The following SNCAIP variants were observed in gnomAD, a reference collection of about 807,000 sequenced individuals.
SNCAIP encodes synphilin-1.
SNCAIP carries 43 observed loss-of-function variants against 86.7 expected under a neutral mutation model. The ratio of observed to expected loss-of-function variants is 0.50; its 90% CI spans 0.39 to 0.64. SNCAIP has a LOEUF of 0.64. Ranked by LOEUF, SNCAIP falls within the 30% of genes least tolerant of loss-of-function variation. SNCAIP has a pLI of 0.00. For missense variants in SNCAIP, 981 were observed against 1,103.1 expected, an observed-to-expected ratio of 0.89 and a Z score of 1.57; for synonymous variants, 417 against 427.2, an observed-to-expected ratio of 0.98 and a Z score of 0.29.
At chr5:122,343,691 C>G (rs1758039818) in intron 1 of SNCAIP, among the ~76,000 whole-genome samples, 2 of 152,156 alleles carry the variant, frequency 1.3e-5, no homozygotes, top group South Asian at 4.1e-4. Context: ...CCCTTTGGAT[C>G]GGGTTGTTTG....
Position 122,381,158 on chromosome 5 carries a change from A to T in SNCAIP, c.-46-9931A>T, listed in dbSNP as rs1398943832. Among the ~76,000 whole-genome samples the T allele has an allele frequency of 1.1e-4, 15 of 137,558 alleles. No homozygotes were observed. The South Asian group carries it at 3.7e-3, about 34-fold the overall frequency. 90.2% of individuals were successfully genotyped at this position (137,558 alleles called of 152,430 possible). ...CAGTGGGGTGTTAAAGTCTCCCATTATTAATGTGTGGGAGTCTAAGTCTCT... is the reference window on the plus strand; with the variant it reads ...CAGTGGGGTGTTAAAGTCTCCCATTTTTAATGTGTGGGAGTCTAAGTCTCT... On this transcript the variant is annotated intron_variant, in intron 1 of 10. Transcript: ENST00000261368.
At chr5:122,322,643 T>G (rs1753193541) in intron 1 of SNCAIP, among the ~76,000 whole-genome samples, 1 of 152,220 alleles carries the variant, frequency 6.6e-6, no homozygotes, top group Non-Finnish European at 1.5e-5. Flanking sequence ...TTTAGGAGGA[T>G]GAATGAAGTC....
At chr5:122,344,321 C>T (rs1195232694) in intron 1 of SNCAIP, among the ~76,000 whole-genome samples, 1 of 152,110 alleles carries the variant, frequency 6.6e-6, no homozygotes, top group African/African-American at 2.4e-5. Flanking sequence ...AGATCACAAA[C>T]ATAGCTGAAA....
At chr5:122,319,316 T>G (rs974241465) in intron 1 of SNCAIP, among the ~76,000 whole-genome samples, 1 of 152,170 alleles carries the variant, frequency 6.6e-6, no homozygotes, top group Non-Finnish European at 1.5e-5. Context: ...TTCTTACTTA[T>G]AAATTCCAGT....
chr5:122,423,781 G>A (rs756058090), intron 4 of SNCAIP, 42 bp downstream of exon 4: 2 of 1,543,130 alleles, frequency 1.3e-6, no homozygotes, highest in Non-Finnish European at 1.8e-6. Flanking sequence ...ATAGACTGGA[G>A]ACTCCTTTTT....
Position 122,440,762 on chromosome 5 carries a change from G to A in SNCAIP, c.1422+8G>A. On this transcript the variant is annotated splice_region_variant and intron_variant, in intron 7 of 10. Coordinates refer to ENST00000261368, the MANE Select transcript of SNCAIP (RefSeq NM_005460.4). Reference sequence around the variant, plus strand: ...TACCTTGGATGCATACAGGTACACAGGCCCTGCTGTTTTGCAATGAGAAAT... The same window carrying A: ...TACCTTGGATGCATACAGGTACACAAGCCCTGCTGTTTTGCAATGAGAAAT... The A allele has an allele frequency of 6.2e-7, 1 of 1,613,624 alleles. No individual in the cohort carries two copies.
chr5:122,371,846 G>T (rs10065900), intron 1 of SNCAIP: 124,602 of 152,212 alleles, frequency 0.82, 51,442 homozygotes, highest in African/African-American at 0.93. Flanking sequence ...CAACACAGTG[G>T]CTGGCTCAAG....
Position 122,423,362 on chromosome 5 carries a change from G to A in SNCAIP, c.625G>A (p.Val209Ile). ...SSSSNMAPFC[V>I]LSPVKSPHLR... ...ATCATCCAACATGGCACCATTTTGT[G>A]TTCTTTCTCCCGTGAAAAGCCCTCA... is the stretch of plus-strand genomic sequence containing the variant. The change falls in exon 4 of 11, where the codon GTT (valine) becomes ATT (isoleucine). Residue 209 changes from valine (V) to isoleucine (I), a missense_variant. Coordinates refer to ENST00000261368, the MANE Select transcript of SNCAIP (RefSeq NM_005460.4). The A allele has an allele frequency of 6.2e-7, 1 of 1,613,710 alleles. No individual in the cohort carries two copies. Among genetic ancestry groups the A allele is most frequent in the Non-Finnish European group, 8.5e-7 (1 of 1,179,758 alleles).
chr5:122,390,947 A>C (rs762170635), intron 1 of SNCAIP, 142 bp from the exon 2 acceptor site: 6 of 608,276 alleles, frequency 9.9e-6, no homozygotes, highest in Non-Finnish European at 1.8e-5. Flanking sequence ...GGCTGTGGAC[A>C]GTTGAAGGAA....
intron 3 of SNCAIP, among the ~76,000 whole-genome samples, chr5:122,414,921 A>G (rs1261942884): frequency 2.0e-5 from 3 of 152,232 alleles, no homozygotes; most frequent in African/African-American, 7.2e-5. Flanking sequence ...CTCTAATGAA[A>G]TCATACACTT....
chr5:122,376,725 A>G (rs1013653755), intron 1 of SNCAIP, among the ~76,000 whole-genome samples: 1 of 152,006 alleles, frequency 6.6e-6, no homozygotes, highest in Non-Finnish European at 1.5e-5. Flanking sequence ...TTAACCTCCA[A>G]TTTCACTCAA....
intron 3 of SNCAIP, among the ~76,000 whole-genome samples, chr5:122,420,874 T>C (rs370200967): frequency 3.9e-5 from 6 of 152,242 alleles, no homozygotes; most frequent in African/African-American, 1.4e-4. Context: ...TAAATAACTT[T>C]AGCAAATTGA....
At chr5:122,382,262 A>T (rs1430002584) in intron 1 of SNCAIP, among the ~76,000 whole-genome samples, 1 of 151,540 alleles carries the variant, frequency 6.6e-6, no homozygotes, top group Non-Finnish European at 1.5e-5. Context: ...TTTTTCTCTA[A>T]ACTTCCCTTC....
intron 3 of SNCAIP, among the ~76,000 whole-genome samples, chr5:122,421,075 C>G (rs1404746136): frequency 2.0e-5 from 3 of 152,298 alleles, no homozygotes; most frequent in Admixed American, 1.3e-4. Context: ...CTGTGTACAA[C>G]TGAGAACTAA....
At chr5:122,452,952 T>A in intron 10 of SNCAIP, 1 of 1,549,190 alleles carries the variant, frequency 6.5e-7, no homozygotes, top group Non-Finnish European at 8.7e-7. Context: ...CATCAATCTT[T>A]CCTCTAACAT....
At chr5:122,414,482 T>C (rs1186001857) in intron 3 of SNCAIP, among the ~76,000 whole-genome samples, 1 of 152,094 alleles carries the variant, frequency 6.6e-6, no homozygotes, top group Non-Finnish European at 1.5e-5. Flanking sequence ...CCGCCCACCT[T>C]AGCCTCCAAA....
intron 2 of SNCAIP, among the ~76,000 whole-genome samples, chr5:122,394,773 T>C (rs529525685): frequency 1.3e-5 from 2 of 152,336 alleles, no homozygotes; most frequent in African/African-American, 4.8e-5. Flanking sequence ...CTGGATCTCC[T>C]GAGGAGCTCA....
chr5:122,364,830 A>T (rs1466675727), intron 1 of SNCAIP, among the ~76,000 whole-genome samples: 1 of 152,200 alleles, frequency 6.6e-6, no homozygotes, highest in East Asian at 1.9e-4. Flanking sequence ...AAACTGTGTG[A>T]CCATAGGCAA....
At chr5:122,382,574 C>T (rs1178779205) in intron 1 of SNCAIP, among the ~76,000 whole-genome samples, 102 of 152,012 alleles carry the variant, frequency 6.7e-4, no homozygotes, top group Non-Finnish European at 9.8e-4. Flanking sequence ...AGCTTTGTTC[C>T]GTTGCTGGTG....
Sources: gnomAD v4.1 joint callset for allele counts (sites outside exome capture counted in the v4.1 genomes callset) on GRCh38, gnomAD v4.1.1 for gene constraint, MANE v1.5 for transcripts, NCBI Gene and HGNC (gene_info 2026-07-23, HGNC 2026-07-21) for gene names.